The following DNAH7 variants were observed in gnomAD, a reference collection of about 807,000 sequenced individuals.
DNAH7 encodes the protein dynein axonemal heavy chain 7, also known as axonemal beta dynein heavy chain 7.
Under a neutral mutation model 444.6 loss-of-function variants are expected in DNAH7, and 397 were observed. The observed-to-expected ratio is 0.89, with a 90% CI of 0.82 to 0.97. The LOEUF (loss-of-function observed/expected upper bound fraction) is 0.97, where lower values mean the gene tolerates loss of function less well. Among genes scored for constraint, DNAH7 ranks in the 50% least tolerant of loss-of-function variants. DNAH7 has a pLI of 0.00. For missense variants in DNAH7, 4,902 were observed against 4,800.8 expected (o/e 1.02, Z -0.62); for synonymous variants, 1,636 against 1,624.4 (o/e 1.01, Z -0.17).
At chr2:195,909,168 A>G (rs577247079) in intron 25 of DNAH7, among the ~76,000 whole-genome samples, 3 of 152,158 alleles carry the variant, frequency 2.0e-5, no homozygotes, top group Non-Finnish European at 2.9e-5. Context: ...TTATCTGTAC[A>G]CCAGATAAAC....
At chr2:195,909,604 CTT>C (rs1212858001) in intron 25 of DNAH7, among the ~76,000 whole-genome samples, 5 of 151,982 alleles carry the variant, frequency 3.3e-5, no homozygotes, top group African/African-American at 7.2e-5. Flanking sequence ...AATAATAAAA[CTT>C]AAGATTTCAA....
chr2:195,922,257 A>C, intron 23 of DNAH7, 60 bp from the exon 24 acceptor site: 73 of 1,010,794 alleles, frequency 7.2e-5, no homozygotes, highest in Middle Eastern at 2.2e-4. Flanking sequence ...ATGAAATCTC[A>C]AGCTCTTTAA....
intron 24 of DNAH7, among the ~76,000 whole-genome samples, chr2:195,919,276 G>A (rs976828231): frequency 1.3e-5 from 2 of 151,840 alleles, no homozygotes; most frequent in Non-Finnish European, 2.9e-5. Context: ...GAAACTGGGT[G>A]GGATAGAGAG....
chr2:195,997,601 A>G (rs552928888), intron 12 of DNAH7, among the ~76,000 whole-genome samples: 69 of 152,270 alleles, frequency 4.5e-4, no homozygotes, highest in African/African-American at 1.6e-3. Flanking sequence ...GTTCTAAAGC[A>G]TATCACATTA....
chr2:195,791,716 G>T (rs1424083073), intron 57 of DNAH7, among the ~76,000 whole-genome samples: 1 of 152,192 alleles, frequency 6.6e-6, no homozygotes, highest in Non-Finnish European at 1.5e-5. Context: ...GGCATACTAT[G>T]CAGCCATAAA....
At chr2:196,049,921 A>G (rs1365939993) in intron 3 of DNAH7, among the ~76,000 whole-genome samples, 1 of 152,228 alleles carries the variant, frequency 6.6e-6, no homozygotes, top group Non-Finnish European at 1.5e-5. Context: ...CTAGAAAATT[A>G]AGAGGGATTT....
chr2:195,958,169 C>T (rs1267726484), intron 18 of DNAH7, among the ~76,000 whole-genome samples: 1 of 151,954 alleles, frequency 6.6e-6, no homozygotes, highest in Admixed American at 6.6e-5. Context: ...CCCCTAACAC[C>T]CTCTCCCCCT....
chr2:195,771,781 C>A lies in DNAH7; in HGVS notation c.11312G>T (p.Arg3771Met). The change falls in exon 61 of 65, where the codon AGG becomes ATG. Residue 3771 changes from arginine to methionine, a missense_variant. Transcript: ENST00000312428. ...CTGAGTATAAGTTGTTGGGTACCTC[C>A]TCATGGCAGCCTCGATGTCGAAGTT... ...PNNFDIEAAM[R>M]RYPTTYTQSM... 1 of 1,614,150 alleles carries A rather than the reference C, an allele frequency of 6.2e-7. No individual in the cohort carries two copies. Among genetic ancestry groups the A allele is most frequent in the Non-Finnish European group, 8.5e-7 (1 of 1,180,034 alleles).
intron 19 of DNAH7, among the ~76,000 whole-genome samples, chr2:195,947,906 A>C (rs1226240658): frequency 6.6e-6 from 1 of 152,096 alleles, no homozygotes; most frequent in East Asian, 1.9e-4. Context: ...TTACGCTCCC[A>C]CCAACACTGT....
intron 40 of DNAH7, among the ~76,000 whole-genome samples, chr2:195,866,506 T>A (rs1194423101): frequency 6.6e-6 from 1 of 152,222 alleles, no homozygotes; most frequent in Non-Finnish European, 1.5e-5. Flanking sequence ...TCTCAGACAA[T>A]ATTCCTAAAT....
intron 61 of DNAH7, among the ~76,000 whole-genome samples, chr2:195,759,758 AAG>A (rs1694262531): frequency 1.3e-5 from 2 of 152,140 alleles, no homozygotes; most frequent in Admixed American, 1.3e-4. Flanking sequence ...GGGCTGAGGC[AAG>A]AGGATTACTT....
intron 57 of DNAH7, among the ~76,000 whole-genome samples, chr2:195,793,935 G>T (rs2105988872): frequency 6.6e-6 from 1 of 152,188 alleles, no homozygotes; most frequent in African/African-American, 2.4e-5. Context: ...AAATCATTTT[G>T]GCTCTCATTA....
intron 58 of DNAH7, among the ~76,000 whole-genome samples, chr2:195,779,743 C>G (rs1695283309): frequency 6.6e-6 from 1 of 151,984 alleles, no homozygotes; most frequent in Non-Finnish European, 1.5e-5. Context: ...GTAGCTGAGA[C>G]TACAGATATA....
At chr2:195,740,424 C>G (rs184367680) in intron 64 of DNAH7, among the ~76,000 whole-genome samples, 1 of 151,920 alleles carries the variant, frequency 6.6e-6, no homozygotes, top group East Asian at 1.9e-4. Flanking sequence ...TAAACAGACA[C>G]AAAATAAAGG....
chr2:195,937,476 A>G (rs1689132637), intron 19 of DNAH7, among the ~76,000 whole-genome samples: 1 of 152,142 alleles, frequency 6.6e-6, no homozygotes, highest in Non-Finnish European at 1.5e-5. Flanking sequence ...TTCAAACACA[A>G]TCAAATATTT....
chr2:196,015,868 C>G (rs58527746), intron 9 of DNAH7, among the ~76,000 whole-genome samples: 8,416 of 152,220 alleles, frequency 0.055, 367 homozygotes, highest in African/African-American at 0.13. Context: ...TCCCCCCACT[C>G]TTAATACTCA....
chr2:196,012,648 AATTAAAGAT>A (rs1694788527), intron 10 of DNAH7, 130 bp downstream of exon 10: 12 of 866,088 alleles, frequency 1.4e-5, no homozygotes, highest in Non-Finnish European at 2.0e-5. Flanking sequence ...AGACTAAGAT[AATTAAAGAT>A]ATTATATTTA....
At chr2:195,901,187 G>A (rs1415434038) in intron 27 of DNAH7, 1 of 151,980 alleles carries the variant, frequency 6.6e-6, no homozygotes, top group Non-Finnish European at 1.5e-5. Flanking sequence ...TATATGTGAG[G>A]TGGTGGGTAA....
intron 31 of DNAH7, among the ~76,000 whole-genome samples, chr2:195,891,197 G>C (rs1241344054): frequency 1.3e-5 from 2 of 152,206 alleles, no homozygotes; most frequent in Non-Finnish European, 2.9e-5. Context: ...TAAAGGAAAA[G>C]TGTGGGAACT....
Sources: gnomAD v4.1 joint callset for allele counts (sites outside exome capture counted in the v4.1 genomes callset) on GRCh38, gnomAD v4.1.1 for gene constraint, MANE v1.5 for transcripts, NCBI Gene and HGNC (gene_info 2026-07-23, HGNC 2026-07-21) for gene names.